The following PMS1 variants were observed in gnomAD, a reference collection of about 807,000 sequenced individuals.
PMS1 encodes the protein PMS1 protein homolog 1.
Under a neutral mutation model 93.1 loss-of-function variants are expected in PMS1, and 79 were observed. The ratio of observed to expected loss-of-function variants is 0.85; its 90% confidence interval spans 0.71 to 1.02. PMS1 has a LOEUF of 1.02. Ranked by LOEUF, PMS1 falls within the 50% of genes least tolerant of loss-of-function variation. The pLI is 0.00. For missense variants in PMS1, 1,064 were observed against 1,085.3 expected (o/e 0.98, Z 0.28); for synonymous variants, 335 against 363.4 (o/e 0.92, Z 0.89).
chr2:189,811,164 A>G (rs2050808065), intron 4 of PMS1, among the ~76,000 whole-genome samples: 1 of 151,596 alleles, frequency 6.6e-6, no homozygotes, highest in Admixed American at 6.6e-5. Flanking sequence ...TAATATGCAA[A>G]CAGAAGCACG....
chr2:189,843,616 G>C (rs5743110), intron 5 of PMS1, among the ~76,000 whole-genome samples: 249 of 152,272 alleles, frequency 1.6e-3, no homozygotes, highest in African/African-American at 5.9e-3. Flanking sequence ...GTGAGGATTG[G>C]AGGTGGAGAG....
Position 189,854,833 on chromosome 2 carries a change from GAA to G in PMS1, c.1566_1567del (p.Ser523PhefsTer4). The G allele has an allele frequency of 6.2e-7, 1 of 1,612,032 alleles. No homozygotes were observed. Among genetic ancestry groups the G allele is most frequent in the Non-Finnish European group, 8.5e-7 (1 of 1,178,342 alleles). On this transcript the variant is annotated frameshift_variant, in exon 9 of 13. Coordinates refer to ENST00000441310, the MANE Select transcript of PMS1 (RefSeq NM_000534.5). LOFTEE classifies it high-confidence loss of function. Reference sequence around the variant, plus strand: ...TGAACCTGTGAAAATTTTAGTGCCTGAAAAAAGTTTACCATGTAAAGTAAGTA... The same window carrying G: ...TGAACCTGTGAAAATTTTAGTGCCTGAAAAGTTTACCATGTAAAGTAAGTA... ...NIEPVKILVP[E>X]KSLPCKVSNN...
At chr2:189,788,104 T>G (rs562538277) in intron 1 of PMS1, among the ~76,000 whole-genome samples, 125 of 152,284 alleles carry the variant, frequency 8.2e-4, no homozygotes, top group African/African-American at 2.9e-3. Context: ...GATGAGGTAT[T>G]ATAGGAAACG....
Position 189,854,329 on chromosome 2 carries a change from G to A in PMS1, c.1057G>A (p.Val353Ile), listed in dbSNP as rs777321010. ...TNSYENNKTDVSAADIVLSKT... is the reference protein window; with the variant it reads ...TNSYENNKTDISAADIVLSKT... ...TTCTTATGAAAATAATAAAACAGAT[G>A]TTTCCGCAGCTGACATCGTTCTTAG... Residue 353 changes from valine to isoleucine, a missense_variant, in exon 9 of 13, where the codon GTT becomes ATT. Physicochemically the swap from Val to Ile is conservative, Grantham distance 29. Transcript: ENST00000441310. 6.3e-7 allele frequency: 1 copy of A among 1,596,204 alleles called. No individual in the cohort carries two copies. The highest frequency in any genetic ancestry group is 1.4e-5 in the African/African-American group (1 of 74,040).
chr2:189,827,685 C>T (rs751865325), intron 5 of PMS1, among the ~76,000 whole-genome samples: 5 of 151,434 alleles, frequency 3.3e-5, no homozygotes, highest in Non-Finnish European at 4.4e-5. Context: ...GAAATCCTGT[C>T]GTTTGCAGCA....
At chr2:189,819,896 T>C (rs958999515) in intron 5 of PMS1, among the ~76,000 whole-genome samples, 5 of 152,226 alleles carry the variant, frequency 3.3e-5, no homozygotes, top group African/African-American at 1.2e-4. Flanking sequence ...CTTTCCATTT[T>C]TCAAAGCGCC....
At chr2:189,803,021 A>G (rs1361359454) in intron 3 of PMS1, among the ~76,000 whole-genome samples, 2 of 152,168 alleles carry the variant, frequency 1.3e-5, no homozygotes, top group Non-Finnish European at 2.9e-5. Flanking sequence ...TTAGTGCACA[A>G]TACTTGCACA....
chr2:189,806,714 C>T, intron 4 of PMS1: 1 of 200,308 alleles, frequency 5.0e-6, no homozygotes, highest in Non-Finnish European at 1.0e-5. Flanking sequence ...GTTTAAATTT[C>T]TCTAAAAACT....
At chr2:189,805,056 C>T (rs2050214994) in intron 3 of PMS1, among the ~76,000 whole-genome samples, 1 of 152,034 alleles carries the variant, frequency 6.6e-6, no homozygotes, top group Non-Finnish European at 1.5e-5. Flanking sequence ...TATTTTCATG[C>T]TGAATGAAAT....
chr2:189,871,524 T>A (rs1002183275), intron 11 of PMS1, among the ~76,000 whole-genome samples: 3 of 152,210 alleles, frequency 2.0e-5, no homozygotes, highest in Admixed American at 2.0e-4. Flanking sequence ...AATTCCTCAA[T>A]ATCATCTGAG....
chr2:189,794,007 C>T (rs931274780), intron 2 of PMS1, among the ~76,000 whole-genome samples: 6 of 152,080 alleles, frequency 3.9e-5, no homozygotes, highest in African/African-American at 1.4e-4. Context: ...CCACCCATCT[C>T]AGCCTCGTAA....
intron 1 of PMS1, among the ~76,000 whole-genome samples, chr2:189,787,396 A>G (rs1255947107): frequency 6.6e-6 from 1 of 152,214 alleles, no homozygotes; most frequent in African/African-American, 2.4e-5. Context: ...AGAGATACAT[A>G]ATACATAATT....
In PMS1 at chr2:189,867,876, A is replaced by T. The variant is rs200919195; in HGVS notation, c.2420A>T (p.Tyr807Phe). The change falls in exon 11 of 13, where the codon TAC becomes TTC. Residue 807 changes from tyrosine (Y) to phenylalanine (F), a missense_variant. Transcript: ENST00000441310. ...GACCAAAGATACAGTGGATCAACTT[A>T]CCTGTCTGATCCTCGTCTTACAGCG... The part of the protein sequence containing the change: ...ADDQRYSGST[Y>F]LSDPRLTANG... 1 of 1,597,104 alleles carries T rather than the reference A, an allele frequency of 6.3e-7. No individual in the cohort carries two copies. Among genetic ancestry groups the T allele is most frequent in the Admixed American group, 1.7e-5 (1 of 59,998 alleles).
intron 10 of PMS1, among the ~76,000 whole-genome samples, chr2:189,867,296 A>G (rs182201513): frequency 1.3e-5 from 2 of 152,290 alleles, no homozygotes; most frequent in African/African-American, 4.8e-5. Flanking sequence ...CATTTCATAT[A>G]CCACCTTTGG....
In PMS1 at chr2:189,870,918, G is replaced by C. The variant is rs2057092345; in HGVS notation, c.2474-2578G>C. 3.9e-5 allele frequency among the ~76,000 whole-genome samples: 6 copies of C among 152,302 alleles called. No homozygotes were observed. In the South Asian group the frequency reaches 1.2e-3, roughly 32 times the overall value. ...TTTGTGTTTCTATAAAGGAATACCT[G>C]AGACTGTGTAAGACTCAGGTAGACC... is the stretch of plus-strand genomic sequence containing the variant. On this transcript the variant is annotated intron_variant, in intron 11 of 12. Coordinates refer to ENST00000441310, the MANE Select transcript of PMS1 (RefSeq NM_000534.5).
chr2:189,854,417 A>G lies in PMS1; in HGVS notation c.1145A>G (p.Asn382Ser). 6.2e-7 allele frequency: 1 copy of G among 1,606,942 alleles called. No homozygotes were observed. Among genetic ancestry groups the G allele is most frequent in the Non-Finnish European group, 8.5e-7 (1 of 1,175,122 alleles). ...KVESSGKNYS[N>S]VDTSVIPFQN... ...GAATCATCTGGAAAGAATTATTCAAATGTTGATACTTCAGTCATTCCATTC... is the reference window on the plus strand; with the variant it reads ...GAATCATCTGGAAAGAATTATTCAAGTGTTGATACTTCAGTCATTCCATTC... Residue 382 changes from asparagine to serine, a missense_variant, in exon 9 of 13, where the codon AAT becomes AGT. Coordinates refer to ENST00000441310, the MANE Select transcript of PMS1 (RefSeq NM_000534.5).
rs147826883 is a variant in PMS1 at position 189,875,388 on chromosome 2, G to A, written c.2634+1732G>A. 1.2e-3 allele frequency among the ~76,000 whole-genome samples: 175 copies of A among 151,818 alleles called. No individual in the cohort carries two copies. The Middle Eastern group carries it at 0.031, about 27-fold the overall frequency. On this transcript the variant is annotated intron_variant, in intron 12 of 12. Coordinates refer to ENST00000441310, the MANE Select transcript of PMS1 (RefSeq NM_000534.5). Reference sequence around the variant, plus strand: ...CAGAACCCACATATATGAAAAGTTGGCCCTCCGTATATATGGATTTCGCAT... The same window carrying A: ...CAGAACCCACATATATGAAAAGTTGACCCTCCGTATATATGGATTTCGCAT...
chr2:189,827,220 C>T (rs1399015128), intron 5 of PMS1, among the ~76,000 whole-genome samples: 1 of 152,136 alleles, frequency 6.6e-6, no homozygotes, highest in African/African-American at 2.4e-5. Flanking sequence ...ATCCTCTAAC[C>T]ACATACATTT....
chr2:189,816,022 T>G (rs1385718889), intron 4 of PMS1, among the ~76,000 whole-genome samples: 1 of 152,132 alleles, frequency 6.6e-6, no homozygotes, highest in East Asian at 1.9e-4. Context: ...TCTCACAGCC[T>G]CCCAAGTAGC....
Sources: allele counts gnomAD v4.1 joint callset (sites outside exome capture counted in the v4.1 genomes callset), GRCh38; gene constraint gnomAD v4.1.1; transcripts MANE v1.5; gene names NCBI Gene and HGNC (gene_info 2026-07-23, HGNC 2026-07-21).